The following VSTM2B variants were observed in gnomAD, a reference collection of about 807,000 sequenced individuals.
The protein encoded by VSTM2B is V-set and transmembrane domain-containing protein 2B.
VSTM2B carries 24 observed loss-of-function variants against 24.0 expected under a neutral mutation model. The ratio of observed to expected loss-of-function variants is 1.00; its 90% CI spans 0.72 to 1.40. The LOEUF (loss-of-function observed/expected upper bound fraction) is 1.40. Ranked by LOEUF, VSTM2B falls within the 40% of genes most tolerant of loss-of-function variation. The probability of loss-of-function intolerance (pLI) is 0.00; values close to 1 mark genes in which losing one functional copy is unlikely to be tolerated. For synonymous variants in VSTM2B, 226 were observed against 194.4 expected (o/e 1.16, Z -1.35); for missense variants, 399 against 416.4 (o/e 0.96, Z 0.36).
At chr19:29,558,261 G>A (rs1970455422) in intron 4 of VSTM2B, among the ~76,000 whole-genome samples, 1 of 152,146 alleles carries the variant, frequency 6.6e-6, no homozygotes, top group Admixed American at 6.5e-5. Flanking sequence ...CAGTGTTGGT[G>A]GGAATATAAA....
rs910183200 is a variant in VSTM2B at position 29,526,735 on chromosome 19, G to A, written c.82+70G>A. Reference sequence around the variant, plus strand: ...TTGCTGGGGCCGCCACCGAGAAGAAGAAGAAAGAGAACGAACCGGGAAGCT... The same window carrying A: ...TTGCTGGGGCCGCCACCGAGAAGAAAAAGAAAGAGAACGAACCGGGAAGCT... On this transcript the variant is annotated intron_variant, in intron 1 of 4. Coordinates refer to ENST00000335523, the MANE Select transcript of VSTM2B (RefSeq NM_001146339.2). The surrounding 1 kb of genome is among the most constrained non-coding windows in gnomAD (Gnocchi z 4.1). 1.0e-5 allele frequency: 14 copies of A among 1,378,824 alleles called. No homozygotes were observed. The highest frequency in any genetic ancestry group is 2.1e-5 in the Admixed American group (1 of 47,420). 85.4% of individuals were successfully genotyped at this position (1,378,824 alleles called of 1,614,324 possible).
chr19:29,545,958 G>A (rs1220212018), intron 4 of VSTM2B, among the ~76,000 whole-genome samples: 2 of 152,200 alleles, frequency 1.3e-5, no homozygotes, highest in Non-Finnish European at 2.9e-5. Context: ...GGGGCTTGGT[G>A]GATGCAGGGA....
At position 29,526,527 on chromosome 19, in the gene VSTM2B, C is replaced by G; in HGVS notation, c.-57C>G. 2 of 1,401,440 alleles carry G rather than the reference C, an allele frequency of 1.4e-6. No homozygotes were observed. The highest frequency in any genetic ancestry group is 9.5e-7 in the Non-Finnish European group (1 of 1,055,496). The allele number at this position is 1,401,440 out of a possible 1,614,324, so 86.8% of individuals were successfully genotyped here. ...CCGAGCCGGAGCCGATCCGAGCCCA[C>G]GCGGCCGCCGCCTCTCCGCTCCCGG... On this transcript the variant is annotated 5_prime_UTR_variant, in exon 1 of 5. Transcript: ENST00000335523. This position sits in a 1 kb window ranked among gnomAD's most constrained non-coding sequence, Gnocchi z 4.1.
chr19:29,531,154 C>T (rs1026482012), intron 4 of VSTM2B, among the ~76,000 whole-genome samples: 1 of 152,028 alleles, frequency 6.6e-6, no homozygotes, highest in Non-Finnish European at 1.5e-5. Context: ...GCCCAGTGTG[C>T]CCCTCCTCCC....
chr19:29,527,395 G>T lies in VSTM2B; in HGVS notation c.267G>T (p.Lys89Asn). The T allele has an allele frequency of 6.6e-7, 1 of 1,524,464 alleles. No individual in the cohort carries two copies. The allele number at this position is 1,524,464 out of a possible 1,614,324, so 94.4% of individuals were successfully genotyped here. A position where few individuals can be genotyped will look rare whatever the true frequency, so the allele number is the denominator to read the frequency against. ...TCAGCGTGCCGGGCGCCCGGAGCAA[G>T]GTAACCCGCCGCCCACGCGGTACCG... The part of the protein sequence containing the change: ...LALSVPGARS[K>N]VTNKDATKIS... The change falls in exon 2 of 5, where the codon AAG (lysine) becomes AAT (asparagine). Residue 89 changes from lysine to asparagine, a missense_variant and splice_region_variant. Coordinates refer to ENST00000335523, the MANE Select transcript of VSTM2B (RefSeq NM_001146339.2).
chr19:29,563,807 C>T, intron 4 of VSTM2B, 39 bp from the exon 5 acceptor site: 2 of 1,531,754 alleles, frequency 1.3e-6, no homozygotes, highest in Non-Finnish European at 1.8e-6. Flanking sequence ...GTTCTTGAGA[C>T]TCAGGTGTTA....
intron 4 of VSTM2B, among the ~76,000 whole-genome samples, chr19:29,543,272 T>C (rs979669683): frequency 7.2e-5 from 11 of 152,276 alleles, no homozygotes; most frequent in Admixed American, 7.2e-4. Flanking sequence ...CAGAGTCATA[T>C]TTTAATGTGT....
chr19:29,527,400 C>A lies in VSTM2B; in HGVS notation c.267+5C>A, dbSNP rs1599872812. 6.6e-7 allele frequency: 1 copy of A among 1,518,864 alleles called. No individual in the cohort carries two copies. The highest frequency in any genetic ancestry group is 8.8e-7 in the Non-Finnish European group (1 of 1,135,430). The allele number at this position is 1,518,864 out of a possible 1,614,324, so 94.1% of individuals were successfully genotyped here. A position where few individuals can be genotyped will look rare whatever the true frequency, so the allele number is the denominator to read the frequency against. On this transcript the variant is annotated splice_donor_5th_base_variant and intron_variant, in intron 2 of 4. Coordinates refer to ENST00000335523, the MANE Select transcript of VSTM2B (RefSeq NM_001146339.2). ...GTGCCGGGCGCCCGGAGCAAGGTAA[C>A]CCGCCGCCCACGCGGTACCGGCGCG...
chr19:29,551,060 A>G (rs1312978495), intron 4 of VSTM2B, among the ~76,000 whole-genome samples: 1 of 152,204 alleles, frequency 6.6e-6, no homozygotes, highest in Non-Finnish European at 1.5e-5. Context: ...TTCTAGAAAC[A>G]TGGGCAGCAG....
At position 29,555,021 on chromosome 19, in the gene VSTM2B, G is replaced by A. The variant is rs190284482; in HGVS notation, c.770-8825G>A. On this transcript the variant is annotated intron_variant, in intron 4 of 4. Transcript: ENST00000335523. ...GATCATTGAGACAGAAAATTAACAA[G>A]GATATTTAGGACTTGAACTCAGCTC... Among the ~76,000 whole-genome samples the A allele has an allele frequency of 7.8e-3, 1,180 of 152,200 alleles. 9 individuals are homozygous for A. Among genetic ancestry groups the A allele is most frequent in the Admixed American group, 0.015 (223 of 15,274 alleles).
At chr19:29,553,531 C>T (rs181868911) in intron 4 of VSTM2B, among the ~76,000 whole-genome samples, 114 of 152,314 alleles carry the variant, frequency 7.5e-4, no homozygotes, top group Non-Finnish European at 1.2e-3. Flanking sequence ...AAACTCAGAA[C>T]GCCAGAGTGC....
intron 3 of VSTM2B, among the ~76,000 whole-genome samples, chr19:29,528,738 C>T (rs558205284): frequency 1.3e-5 from 2 of 152,252 alleles, no homozygotes; most frequent in South Asian, 4.1e-4. Flanking sequence ...GGTCGGACTG[C>T]GCGCTTAGGG....
intron 4 of VSTM2B, among the ~76,000 whole-genome samples, chr19:29,549,720 G>A (rs558790908): frequency 1.3e-5 from 2 of 152,370 alleles, no homozygotes; most frequent in African/African-American, 2.4e-5. Context: ...GGGTTTGACT[G>A]TAGCCAGGAT....
chr19:29,537,421 C>T (rs1382631475), intron 4 of VSTM2B, among the ~76,000 whole-genome samples: 2 of 152,150 alleles, frequency 1.3e-5, no homozygotes, highest in Non-Finnish European at 2.9e-5. Flanking sequence ...ATGAGCATAG[C>T]CCAGGCCCCT....
At chr19:29,560,629 T>C (rs1180608063) in intron 4 of VSTM2B, among the ~76,000 whole-genome samples, 1 of 152,158 alleles carries the variant, frequency 6.6e-6, no homozygotes, top group Non-Finnish European at 1.5e-5. Flanking sequence ...CAGGAGCCAA[T>C]GCTGCAGCCC....
chr19:29,544,525 C>CAAAAAAAAAAAAAAAAAA (rs58540469), intron 4 of VSTM2B, among the ~76,000 whole-genome samples: 1 of 54,342 alleles, frequency 1.8e-5, no homozygotes, highest in African/African-American at 7.7e-5. Context: ...GACTCTGTCT[C>CAAAAAAAAAAAAAAAAAA]AAAAAAAAAA....
intron 4 of VSTM2B, among the ~76,000 whole-genome samples, chr19:29,530,869 T>G (rs1969740064): frequency 6.6e-6 from 1 of 152,010 alleles, no homozygotes; most frequent in Non-Finnish European, 1.5e-5. Flanking sequence ...CTGCTGTAAA[T>G]CGCAGATCCT....
chr19:29,548,792 G>A (rs536643356), intron 4 of VSTM2B, among the ~76,000 whole-genome samples: 1 of 152,352 alleles, frequency 6.6e-6, no homozygotes, highest in African/African-American at 2.4e-5. Flanking sequence ...CCACACAACT[G>A]CATGGGGACA....
chr19:29,560,548 G>A (rs538761804), intron 4 of VSTM2B, among the ~76,000 whole-genome samples: 2 of 152,170 alleles, frequency 1.3e-5, no homozygotes, highest in South Asian at 2.1e-4. Flanking sequence ...CCAAACCCTG[G>A]CCACCTGTAC....
Sources: allele counts gnomAD v4.1 joint callset (sites outside exome capture counted in the v4.1 genomes callset), GRCh38; gene constraint gnomAD v4.1.1; non-coding constraint Gnocchi (gnomAD v3.1); transcripts MANE v1.5; gene names NCBI Gene and HGNC (gene_info 2026-07-23, HGNC 2026-07-21).